Variants in HGF observed in about 807,000 individuals in gnomAD.
HGF encodes the protein fibroblast-derived tumor cytotoxic factor.
Under a neutral mutation model 111.6 loss-of-function variants are expected in HGF, and 39 were observed. The observed-to-expected ratio is 0.35, with a 90% CI of 0.27 to 0.46. HGF has a LOEUF of 0.46. HGF is among the 20% of genes least tolerant of loss of function. The probability of loss-of-function intolerance (pLI) is 1.00; values close to 1 mark genes in which losing one functional copy is unlikely to be tolerated. For missense variants in HGF, 735 were observed against 910.5 expected (o/e 0.81, Z 2.48); for synonymous variants, 285 against 294.8 (o/e 0.97, Z 0.34).
intron 1 of HGF, among the ~76,000 whole-genome samples, chr7:81,767,835 A>G (rs1789439987): frequency 1.3e-5 from 2 of 152,138 alleles, no homozygotes; most frequent in African/African-American, 2.4e-5. Context: ...AACAAAAGAA[A>G]CCTCTAAATA....
rs1789272277 is a variant in HGF, at chr7:81,701,272, T to TC, written c.*1308dup. On this transcript the variant is annotated 3_prime_UTR_variant, in exon 18 of 18. Coordinates refer to ENST00000222390, the MANE Select transcript of HGF (RefSeq NM_000601.6). ...AAATATCTGATTCAACAGATTCCACTCTACTTCAAAAAAAAAATAAATGAA... is the reference window on the plus strand; with the variant it reads ...AAATATCTGATTCAACAGATTCCACTCCTACTTCAAAAAAAAAATAAATGAA... 1 of 151,194 alleles carries TC rather than the reference T, an allele frequency of 6.6e-6. No individual in the cohort carries two copies. 9.4% of individuals were successfully genotyped at this position (151,194 alleles called of 1,614,324 possible).
At chr7:81,768,927 G>T (rs542113482) in intron 1 of HGF, among the ~76,000 whole-genome samples, 24 of 152,134 alleles carry the variant, frequency 1.6e-4, no homozygotes, top group African/African-American at 2.4e-4. Context: ...TAGATCAAAG[G>T]TCTGATAAAT....
At chr7:81,714,778 C>A (rs1789667613) in intron 11 of HGF, among the ~76,000 whole-genome samples, 1 of 152,048 alleles carries the variant, frequency 6.6e-6, no homozygotes, top group East Asian at 1.9e-4. Context: ...ACAGTCTCTG[C>A]AGTTATATAA....
At chr7:81,764,054 A>G (rs768898723) in intron 1 of HGF, among the ~76,000 whole-genome samples, 9 of 152,112 alleles carry the variant, frequency 5.9e-5, no homozygotes, top group Non-Finnish European at 1.2e-4. Context: ...TAGAGAAGAA[A>G]TGTGGATAGT....
At chr7:81,745,582 A>G (rs916759686) in intron 5 of HGF, among the ~76,000 whole-genome samples, 3 of 152,226 alleles carry the variant, frequency 2.0e-5, no homozygotes, top group Non-Finnish European at 2.9e-5. Flanking sequence ...TTTATGGTTA[A>G]TGACATAATC....
Position 81,762,721 on chromosome 7 carries a change from A to C in HGF, c.240T>G (p.Leu80=). ...AAGTAACTTACTTGCAAGTGAATGG[A>C]AGTCCTTTATTCCTAGTACATCTAT... is the stretch of plus-strand genomic sequence containing the variant. ...CANRCTRNKG[L]PFTCKAFVFD... The change falls in exon 2 of 18, where the codon CTT becomes CTG. Residue 80 remains leucine, a synonymous_variant. Coordinates refer to ENST00000222390, the MANE Select transcript of HGF (RefSeq NM_000601.6). 1 of 1,612,572 alleles carries C rather than the reference A, an allele frequency of 6.2e-7. No individual in the cohort carries two copies. The highest frequency in any genetic ancestry group is 8.5e-7 in the Non-Finnish European group (1 of 1,178,750).
At chr7:81,765,033 G>A (rs1789290166) in intron 1 of HGF, among the ~76,000 whole-genome samples, 1 of 151,966 alleles carries the variant, frequency 6.6e-6, no homozygotes, top group Non-Finnish European at 1.5e-5. Flanking sequence ...TCTTAAATAT[G>A]TGTATAATTA....
chr7:81,710,125 A>G, intron 13 of HGF, 22 bp downstream of exon 13: 1 of 1,409,446 alleles, frequency 7.1e-7, no homozygotes, highest in Non-Finnish European at 1.0e-6. Context: ...GATATGCATG[A>G]CTTGCATCTA....
At chr7:81,711,377 A>G (rs1249216682) in intron 12 of HGF, 104 bp downstream of exon 12, 34 of 560,654 alleles carry the variant, frequency 6.1e-5, no homozygotes, top group Non-Finnish European at 9.5e-5. Context: ...ACTTCTTTTT[A>G]TAATGGAAGC....
At chr7:81,768,974 C>CT (rs1291350545) in intron 1 of HGF, among the ~76,000 whole-genome samples, 1 of 152,124 alleles carries the variant, frequency 6.6e-6, no homozygotes, top group Admixed American at 6.5e-5. Flanking sequence ...AGCCAGTTCT[C>CT]TTTTTTATAT....
chr7:81,749,396 A>C (rs1459837207), intron 5 of HGF, among the ~76,000 whole-genome samples: 1 of 152,148 alleles, frequency 6.6e-6, no homozygotes, highest in East Asian at 1.9e-4. Context: ...TCAACTTTCT[A>C]AAACTTTTGA....
chr7:81,747,284 A>G (rs2116067397), intron 5 of HGF, among the ~76,000 whole-genome samples: 1 of 152,278 alleles, frequency 6.6e-6, no homozygotes, highest in South Asian at 2.1e-4. Context: ...GCTTGCAGTG[A>G]GCCGAGATGG....
chr7:81,755,568 G>C, intron 4 of HGF: 1 of 153,310 alleles, frequency 6.5e-6, no homozygotes, highest in Non-Finnish European at 1.5e-5. Flanking sequence ...GAAAACTCAG[G>C]GTGAAATAAG....
chr7:81,733,189 G>A (rs1012846716), intron 7 of HGF, among the ~76,000 whole-genome samples: 1 of 151,716 alleles, frequency 6.6e-6, no homozygotes, highest in Non-Finnish European at 1.5e-5. Context: ...AAACCCAAAT[G>A]CTGGCTTTGG....
intron 12 of HGF, among the ~76,000 whole-genome samples, chr7:81,711,054 G>A (rs1401291201): frequency 6.6e-6 from 1 of 152,172 alleles, no homozygotes; most frequent in Non-Finnish European, 1.5e-5. Context: ...CCACTTGACT[G>A]TAGGGCATGC....
At chr7:81,735,867 T>C (rs1438721218) in intron 7 of HGF, among the ~76,000 whole-genome samples, 1 of 152,114 alleles carries the variant, frequency 6.6e-6, no homozygotes, top group Non-Finnish European at 1.5e-5. Flanking sequence ...TCTTGCTATG[T>C]CCTTACATGG....
rs2116020710 is a variant in HGF, at chr7:81,743,346, C to A, written c.865+7G>T. On this transcript the variant is annotated splice_region_variant and intron_variant, in intron 7 of 17. Coordinates refer to ENST00000222390, the MANE Select transcript of HGF (RefSeq NM_000601.6). ...AAAAGGAAGCAATAAATTTGACCTT[C>A]ACTTACCGCATGTTTTAATTGCACA... 1 of 1,528,222 alleles carries A rather than the reference C, an allele frequency of 6.5e-7. No individual in the cohort carries two copies. Among genetic ancestry groups the A allele is most frequent in the Non-Finnish European group, 9.1e-7 (1 of 1,101,350 alleles). The allele number at this position is 1,528,222 out of a possible 1,614,324, so 94.7% of individuals were successfully genotyped here.
At position 81,743,358 on chromosome 7, in the gene HGF, G is replaced by A. The variant is rs766971992; in HGVS notation, c.860C>T (p.Thr287Ile). 15 of 1,588,888 alleles carry A rather than the reference G, an allele frequency of 9.4e-6. No homozygotes were observed. In the South Asian group the frequency reaches 1.4e-4, roughly 15 times the overall value. Residue 287 changes from threonine (T) to isoleucine (I), a missense_variant, in exon 7 of 18, where the codon ACA becomes ATA. Coordinates refer to ENST00000222390, the MANE Select transcript of HGF (RefSeq NM_000601.6). ...HTRWEYCAIK[T>I]CADNTMNDTD... is the part of the protein sequence containing the mutation. ...TAAATTTGACCTTCACTTACCGCAT[G>A]TTTTAATTGCACAGTACTCCCAGCG...
chr7:81,756,811 A>G (rs5745640), intron 4 of HGF: 177 of 245,510 alleles, frequency 7.2e-4, no homozygotes, highest in Middle Eastern at 4.5e-3. Context: ...CCAAGGTTAA[A>G]GAACCCTCAG....
Sources: allele counts gnomAD v4.1 joint callset (sites outside exome capture counted in the v4.1 genomes callset), GRCh38; gene constraint gnomAD v4.1.1; transcripts MANE v1.5; gene names NCBI Gene and HGNC (gene_info 2026-07-23, HGNC 2026-07-21).